The following TRPM1 variants were observed in gnomAD, a reference collection of about 807,000 sequenced individuals.
The protein encoded by TRPM1 is TRPM1-203 APA Isoform, Intron 10.
TRPM1 carries 113 observed loss-of-function variants against 149.4 expected under a neutral mutation model. The observed-to-expected ratio is 0.76, with a 90% CI of 0.65 to 0.88. TRPM1 has a LOEUF of 0.88. Among genes scored for constraint, TRPM1 ranks in the 40% least tolerant of loss-of-function variants. The pLI is 0.00. For synonymous variants in TRPM1, 741 were observed against 759.5 expected (o/e 0.98, Z 0.40); for missense variants, 1,976 against 2,038.7 (o/e 0.97, Z 0.59).
chr15:31,003,084 A>C lies in TRPM1; in HGVS notation c.3630-14T>G. The C allele has an allele frequency of 6.3e-7, 1 of 1,592,682 alleles. No homozygotes were observed. Among genetic ancestry groups the C allele is most frequent in the South Asian group, 1.1e-5 (1 of 87,024 alleles). On this transcript the variant is annotated splice_polypyrimidine_tract_variant and intron_variant, in intron 27 of 27. Transcript: ENST00000256552. ...ATATTTTCAACTCTGGTGAATATAAAGGGATAGATTTATTAAACTGAGATT... is the reference window on the plus strand; with the variant it reads ...ATATTTTCAACTCTGGTGAATATAACGGGATAGATTTATTAAACTGAGATT...
intron 1 of TRPM1, among the ~76,000 whole-genome samples, chr15:31,154,644 C>T (rs2036344440): frequency 6.6e-6 from 1 of 152,188 alleles, no homozygotes. Context: ...ACTAGACTGC[C>T]TTTGTAGGAC....
chr15:31,028,307 T>C lies in TRPM1; in HGVS notation c.3293+25A>G, dbSNP rs1213078264. The C allele has an allele frequency of 2.5e-6, 4 of 1,614,032 alleles. No homozygotes were observed. In the African/African-American group the frequency reaches 4.0e-5, roughly 16 times the overall value. ...TCTGTACAGTAATAAATAATAAGCA[T>C]GTGGTCATCGGCTGTGACACGTACT... On this transcript the variant is annotated intron_variant, in intron 25 of 27. Transcript: ENST00000256552.
At chr15:31,048,347 T>C (rs913458869) in intron 13 of TRPM1, among the ~76,000 whole-genome samples, 2 of 152,158 alleles carry the variant, frequency 1.3e-5, no homozygotes, top group African/African-American at 4.8e-5. Flanking sequence ...AATTAATGAA[T>C]TGTGAGAGCT....
intron 27 of TRPM1, among the ~76,000 whole-genome samples, chr15:31,012,650 A>G (rs1351532439): frequency 1.3e-5 from 2 of 152,102 alleles, no homozygotes; most frequent in Non-Finnish European, 2.9e-5. Flanking sequence ...GTAGATTCGT[A>G]TCTTTCATTA....
chr15:31,043,667 C>T (rs538847792), intron 16 of TRPM1, among the ~76,000 whole-genome samples: 10 of 151,638 alleles, frequency 6.6e-5, no homozygotes, highest in East Asian at 1.9e-4. Flanking sequence ...AAATGAACAT[C>T]GTAGAAATGT....
intron 3 of TRPM1, 71 bp from the exon 4 acceptor site, chr15:31,070,297 T>C (rs1263116547): frequency 6.8e-7 from 1 of 1,475,858 alleles, no homozygotes; most frequent in Non-Finnish European, 9.4e-7. Context: ...CAAAAATGAA[T>C]TAACCTCAAC....
intron 1 of TRPM1, among the ~76,000 whole-genome samples, chr15:31,112,296 T>G (rs916405209): frequency 3.3e-5 from 5 of 152,054 alleles, no homozygotes; most frequent in African/African-American, 1.2e-4. Flanking sequence ...CTGACCAACA[T>G]AGAGAAACCC....
rs564718041 is a variant in TRPM1, at chr15:31,126,754, A to G, written c.54+34152T>C. ...CAAGGCAGACAGATCACTTGAAGTT[A>G]GGAGTTCGAGACCAGCCTGGCCAAC... On this transcript the variant is annotated intron_variant, in intron 1 of 26. Transcript: ENST00000542188. Among the ~76,000 whole-genome samples the G allele has an allele frequency of 2.0e-5, 3 of 152,328 alleles. No homozygotes were observed. The East Asian group carries it at 5.8e-4, about 29-fold the overall frequency.
At chr15:31,005,948 T>C (rs16956441) in intron 27 of TRPM1, among the ~76,000 whole-genome samples, 4,341 of 152,276 alleles carry the variant, frequency 0.029, 198 homozygotes, top group African/African-American at 0.098. Context: ...TTGAATGGCA[T>C]AAAAACACAA....
chr15:31,039,135 A>G (rs2033526640), intron 18 of TRPM1, among the ~76,000 whole-genome samples: 1 of 152,064 alleles, frequency 6.6e-6, no homozygotes, highest in South Asian at 2.1e-4. Flanking sequence ...TGGGTAGAAA[A>G]TATTCCAGGC....
chr15:31,079,382 G>A (rs1232931709), intron 2 of TRPM1, among the ~76,000 whole-genome samples: 3 of 152,196 alleles, frequency 2.0e-5, no homozygotes, highest in Non-Finnish European at 4.4e-5. Context: ...TTAAGGGAAG[G>A]AAGGAAACCT....
At chr15:31,036,462 C>G (rs1193279708) in intron 20 of TRPM1, among the ~76,000 whole-genome samples, 2 of 152,022 alleles carry the variant, frequency 1.3e-5, no homozygotes, top group South Asian at 4.1e-4. Context: ...GATCCTGCCT[C>G]CCAAGCCTAT....
At chr15:31,014,402 A>G (rs754823227) in intron 27 of TRPM1, among the ~76,000 whole-genome samples, 1 of 152,122 alleles carries the variant, frequency 6.6e-6, no homozygotes, top group Non-Finnish European at 1.5e-5. Flanking sequence ...TTTGCATATG[A>G]GATTCTTTCT....
At chr15:31,115,924 T>C (rs563085117) in intron 1 of TRPM1, among the ~76,000 whole-genome samples, 109 of 152,098 alleles carry the variant, frequency 7.2e-4, no homozygotes, top group South Asian at 1.9e-3. Context: ...TGTGTCTTCA[T>C]AGACACACCT....
intron 1 of TRPM1, among the ~76,000 whole-genome samples, chr15:31,114,419 G>A (rs2035770449): frequency 6.6e-6 from 1 of 152,058 alleles, no homozygotes; most frequent in African/African-American, 2.4e-5. Context: ...GTCTATTATT[G>A]ATGGGCATTT....
At position 31,020,417 on chromosome 15, in the gene TRPM1, G is replaced by A. The variant is rs139306508; in HGVS notation, c.3629+5722C>T. Among the ~76,000 whole-genome samples the A allele has an allele frequency of 8.5e-5, 13 of 152,362 alleles. 1 individual carries two copies. The East Asian group carries it at 2.3e-3, about 27-fold the overall frequency. ...CATGGCCTCCTTCAGCATCCATGCC[G>A]TATGTACAGTTGTCTTTCTGTATCC... On this transcript the variant is annotated intron_variant, in intron 27 of 27. Coordinates refer to ENST00000256552, the MANE Select transcript of TRPM1 (RefSeq NM_001252024.2).
intron 1 of TRPM1, among the ~76,000 whole-genome samples, chr15:31,123,956 T>C (rs1005327975): frequency 6.6e-6 from 1 of 152,200 alleles, no homozygotes; most frequent in African/African-American, 2.4e-5. Flanking sequence ...CTTCAATGGG[T>C]ACATGCAGTA....
upstream of TRPM1, among the ~76,000 whole-genome samples, chr15:31,106,136 CTTTTCT>C (rs1157847752): frequency 8.1e-6 from 1 of 123,464 alleles, no homozygotes; most frequent in East Asian, 2.6e-4. Flanking sequence ...AAACCTTTTT[CTTTTCT>C]TTTTTTTTTT....
At chr15:31,072,008 TATATATATATAGAGAG>T (rs1347049221) in intron 3 of TRPM1, among the ~76,000 whole-genome samples, 195 of 34,722 alleles carry the variant, frequency 5.6e-3, no homozygotes, top group East Asian at 8.3e-3. Flanking sequence ...TATATATATA[TATATATATATAGAGAG>T]AGAGAGAGAG....
Sources: gnomAD v4.1 joint callset for allele counts (sites outside exome capture counted in the v4.1 genomes callset) on GRCh38, gnomAD v4.1.1 for gene constraint, MANE v1.5 for transcripts, NCBI Gene and HGNC (gene_info 2026-07-23, HGNC 2026-07-21) for gene names.